The following RUSC1 variants were observed in gnomAD, a reference collection of about 807,000 sequenced individuals.
The protein encoded by RUSC1 is RUN and SH3 domain containing 1, also known as AP-4 complex accessory subunit RUSC1.
In RUSC1, 40 loss-of-function variants were observed where a neutral mutation model predicts 72.1. The ratio of observed to expected loss-of-function variants is 0.55; its 90% CI spans 0.43 to 0.72. RUSC1 has a LOEUF of 0.72. Ranked by LOEUF, RUSC1 falls within the 30% of genes least tolerant of loss-of-function variation. RUSC1 has a pLI of 0.00. For synonymous variants in RUSC1, 512 were observed against 494.2 expected, an observed-to-expected ratio of 1.04 and a Z score of -0.48; for missense variants, 1,092 against 1,172.3, an observed-to-expected ratio of 0.93 and a Z score of 1.00.
At chr1:155,330,343 G>A in intron 9 of RUSC1, 60 bp from the exon 10 acceptor site, 1 of 1,581,874 alleles carries the variant, frequency 6.3e-7, no homozygotes, top group Non-Finnish European at 8.7e-7. Flanking sequence ...GGTGACGCCT[G>A]GGGACGGCTG....
intron 2 of RUSC1, chr1:155,324,568 G>T: frequency 6.3e-7 from 1 of 1,577,472 alleles, no homozygotes; most frequent in South Asian, 1.1e-5. Context: ...TCCCGCTCCC[G>T]GAGTTCCGGG....
intron 9 of RUSC1, among the ~76,000 whole-genome samples, chr1:155,329,017 C>A (rs995604947): frequency 2.6e-5 from 4 of 152,042 alleles, no homozygotes; most frequent in Admixed American, 1.3e-4. Flanking sequence ...ACAGGCATAG[C>A]TACTGCACCC....
rs550335626 is a variant in RUSC1, at chr1:155,328,259, A to T, written c.2524A>T (p.Met842Leu). The T allele has an allele frequency of 1.2e-6, 2 of 1,612,904 alleles. No individual in the cohort carries two copies. Among genetic ancestry groups the T allele is most frequent in the Non-Finnish European group, 1.7e-6 (2 of 1,179,468 alleles). The stretch of plus-strand genomic sequence containing the variant: ...GGAGCTTGAGGCCTCAGCACCCAGG[A>T]TGGTGCAAACCCATAGGTAAGGAGG... Reference protein sequence around the residue: ...PQELEASAPRMVQTHRAVRAL... With the variant: ...PQELEASAPRLVQTHRAVRAL... The change falls in exon 9 of 10, where the codon ATG (methionine) becomes TTG (leucine). Residue 842 changes from methionine (M) to leucine (L), a missense_variant. Coordinates refer to ENST00000368352, the MANE Select transcript of RUSC1 (RefSeq NM_001105203.2).
At chr1:155,327,807 A>G (rs754356218) in intron 8 of RUSC1, among the ~76,000 whole-genome samples, 1 of 152,136 alleles carries the variant, frequency 6.6e-6, no homozygotes, top group African/African-American at 2.4e-5. Context: ...TCCTCTCCAA[A>G]CAAACAAACA....
chr1:155,326,885 C>G lies in RUSC1; in HGVS notation c.2167C>G (p.Leu723Val). The G allele has an allele frequency of 6.2e-7, 1 of 1,613,792 alleles. No individual in the cohort carries two copies. The highest frequency in any genetic ancestry group is 2.2e-5 in the East Asian group (1 of 44,884). Residue 723 changes from leucine (L) to valine (V), a missense_variant, in exon 8 of 10, where the codon CTT (leucine) becomes GTT (valine). Transcript: ENST00000368352. This position sits in a 1 kb window ranked among gnomAD's most constrained non-coding sequence, Gnocchi z 4.7. ...AASDPSDSPN[L>V]PTPGSWWEQL... is the part of the protein sequence containing the mutation. ...TTCAGACCCCTCTGACTCTCCAAACCTTCCCACACCAGGGAGCTGGTGGGA... is the reference window on the plus strand; with the variant it reads ...TTCAGACCCCTCTGACTCTCCAAACGTTCCCACACCAGGGAGCTGGTGGGA...
At chr1:155,321,044 C>T in intron 1 of RUSC1, 53 bp downstream of exon 1, 1 of 1,458,384 alleles carries the variant, frequency 6.9e-7, no homozygotes, top group Non-Finnish European at 9.2e-7. Flanking sequence ...GCACGAGGGG[C>T]GGGGCAGGAC....
chr1:155,328,585 A>G (rs938063915), intron 9 of RUSC1, among the ~76,000 whole-genome samples: 1 of 150,740 alleles, frequency 6.6e-6, no homozygotes, highest in Non-Finnish European at 1.5e-5. Context: ...GCCCACCACC[A>G]TGCCCGTTTA....
chr1:155,324,440 G>A (rs776623215), intron 2 of RUSC1: 1 of 1,612,874 alleles, frequency 6.2e-7, no homozygotes, highest in Non-Finnish European at 8.5e-7. Flanking sequence ...TGCTCCCCGG[G>A]GCTCCGCAGG....
chr1:155,321,163 T>C, intron 1 of RUSC1, 172 bp downstream of exon 1: 1 of 1,374,820 alleles, frequency 7.3e-7, no homozygotes, highest in Non-Finnish European at 9.7e-7. Context: ...GGGCGCAGGC[T>C]GGAGCCCGGC....
At position 155,322,708 on chromosome 1, in the gene RUSC1, C is replaced by A. The variant is rs1484793199; in HGVS notation, c.935C>A (p.Thr312Lys). 1 of 1,614,130 alleles carries A rather than the reference C, an allele frequency of 6.2e-7. No homozygotes were observed. Among genetic ancestry groups the A allele is most frequent in the African/African-American group, 1.3e-5 (1 of 74,940 alleles). The stretch of plus-strand genomic sequence containing the variant: ...AGCGAGGAGCCGGTGCCCCACCGGA[C>A]AATCACGTCCTTCCACGAGCTGGCC... ...DVSEEPVPHRTITSFHELAQK... is the reference protein window; with the variant it reads ...DVSEEPVPHRKITSFHELAQK... Residue 312 changes from threonine (T) to lysine (K), a missense_variant, in exon 2 of 10, where the codon ACA becomes AAA. Thr to Lys is a moderately conservative substitution (Grantham distance 78). Transcript: ENST00000368352.
chr1:155,329,224 T>G (rs1265837722), intron 9 of RUSC1, among the ~76,000 whole-genome samples: 2 of 151,136 alleles, frequency 1.3e-5, no homozygotes, highest in African/African-American at 4.9e-5. Context: ...TAGCTGGGAT[T>G]ACAGGCACCT....
At chr1:155,321,188 G>A (rs1227297615) in intron 1 of RUSC1, 197 bp downstream of exon 1, 1 of 1,370,136 alleles carries the variant, frequency 7.3e-7, no homozygotes, top group Non-Finnish European at 9.8e-7. Flanking sequence ...GCAGCCAGCA[G>A]ATGCGGAGTT....
At position 155,322,604 on chromosome 1, in the gene RUSC1, G is replaced by A; in HGVS notation, c.831G>A (p.Trp277Ter). ...AACCTGAAAAATTCGACTCTGGTTG[G>A]AAAACCAACACAAGAATAACTGATT... ...KSEPEKFDSGWKTNTRITDSG... is the reference protein window; with the variant it reads ...KSEPEKFDSG Residue 277 changes from tryptophan to a stop codon, truncating the protein, a stop_gained, in exon 2 of 10, where the codon TGG becomes TGA. Coordinates refer to ENST00000368352, the MANE Select transcript of RUSC1 (RefSeq NM_001105203.2). LOFTEE classifies it high-confidence loss of function. 6.2e-7 allele frequency: 1 copy of A among 1,614,248 alleles called. No individual in the cohort carries two copies. The highest frequency in any genetic ancestry group is 8.5e-7 in the Non-Finnish European group (1 of 1,180,048).
chr1:155,320,959 G>A lies in RUSC1; in HGVS notation c.-119G>A. ...CGGGGACCGTGGGAGCCGCGGACAA[G>A]CCCAAGGCCGGAGCGGTTCCAGGAG... On this transcript the variant is annotated 5_prime_UTR_variant, in exon 1 of 10. Coordinates refer to ENST00000368352, the MANE Select transcript of RUSC1 (RefSeq NM_001105203.2). The A allele has an allele frequency of 6.4e-7, 1 of 1,554,744 alleles. No individual in the cohort carries two copies. Among genetic ancestry groups the A allele is most frequent in the South Asian group, 1.1e-5 (1 of 89,202 alleles).
chr1:155,322,284 T>A lies in RUSC1; in HGVS notation c.511T>A (p.Ser171Thr), dbSNP rs74118445. The A allele has an allele frequency of 1.2e-6, 2 of 1,611,042 alleles. No homozygotes were observed. The highest frequency in any genetic ancestry group is 1.7e-6 in the Non-Finnish European group (2 of 1,177,716). The change falls in exon 2 of 10, where the codon TCT becomes ACT. Residue 171 changes from serine (S) to threonine (T), a missense_variant. Coordinates refer to ENST00000368352, the MANE Select transcript of RUSC1 (RefSeq NM_001105203.2). ...CTCTCCTGATTCCTGCTCCGGAGCT[T>A]CTTCTTCACCCGATCCTGGCCTGGA... ...CCSPDSCSGA[S>T]SSPDPGLDSN...
chr1:155,326,898 G>C lies in RUSC1; in HGVS notation c.2180G>C (p.Gly727Ala). The change falls in exon 8 of 10, where the codon GGG (glycine) becomes GCG (alanine). Residue 727 changes from glycine (G) to alanine (A), a missense_variant. By Grantham distance (60) the Gly-to-Ala change is moderately conservative. Coordinates refer to ENST00000368352, the MANE Select transcript of RUSC1 (RefSeq NM_001105203.2). This position sits in a 1 kb window ranked among gnomAD's most constrained non-coding sequence, Gnocchi z 4.7. ...PSDSPNLPTP[G>A]SWWEQLTQAS... ...GACTCTCCAAACCTTCCCACACCAGGGAGCTGGTGGGAGCAGTTGACCCAG... is the reference window on the plus strand; with the variant it reads ...GACTCTCCAAACCTTCCCACACCAGCGAGCTGGTGGGAGCAGTTGACCCAG... The C allele has an allele frequency of 1.2e-6, 2 of 1,613,806 alleles. No homozygotes were observed. The highest frequency in any genetic ancestry group is 1.7e-6 in the Non-Finnish European group (2 of 1,180,030).
rs2148280012 is a variant in RUSC1, at chr1:155,326,262, C to T, written c.1862-318C>T. 1 of 545,248 alleles carries T rather than the reference C, an allele frequency of 1.8e-6. No homozygotes were observed. Among genetic ancestry groups the T allele is most frequent in the South Asian group, 2.3e-5 (1 of 44,136 alleles). 33.8% of individuals were successfully genotyped at this position (545,248 alleles called of 1,614,324 possible). ...CTTTGAGTCCTTCCCCAGTGAGGCCCTACCTCTACCCTCGGACTAGGCCAA... is the reference window on the plus strand; with the variant it reads ...CTTTGAGTCCTTCCCCAGTGAGGCCTTACCTCTACCCTCGGACTAGGCCAA... On this transcript the variant is annotated intron_variant, in intron 7 of 9. Coordinates refer to ENST00000368352, the MANE Select transcript of RUSC1 (RefSeq NM_001105203.2). This position sits in a 1 kb window ranked among gnomAD's most constrained non-coding sequence, Gnocchi z 4.7.
Position 155,322,347 on chromosome 1 carries a change from C to A in RUSC1, c.574C>A (p.Pro192Thr). The A allele has an allele frequency of 6.2e-7, 1 of 1,613,012 alleles. No individual in the cohort carries two copies. Among genetic ancestry groups the A allele is most frequent in the South Asian group, 1.1e-5 (1 of 91,058 alleles). ...CNALTTCQDV[P>T]SPGLEEEDER... ...CGCCCTGACCACCTGCCAGGACGTC[C>A]CTTCCCCAGGCTTGGAGGAAGAGGA... Residue 192 changes from proline (P) to threonine (T), a missense_variant, in exon 2 of 10, where the codon CCT becomes ACT. Physicochemically the swap from Pro to Thr is conservative, Grantham distance 38. Transcript: ENST00000368352.
chr1:155,325,608 A>G lies in RUSC1; in HGVS notation c.1750A>G (p.Ser584Gly). 1.2e-6 allele frequency: 2 copies of G among 1,612,754 alleles called. No homozygotes were observed. Among genetic ancestry groups the G allele is most frequent in the Middle Eastern group, 1.6e-4 (1 of 6,062 alleles). ...RSLGTLYSQV[S>G]RLAPLSSSRS... ...CCTTGGAACCCTGTATAGCCAGGTC[A>G]GCCGTCTAGCCCCGCTGAGCAGCAG... Residue 584 changes from serine (S) to glycine (G), a missense_variant, in exon 6 of 10, where the codon AGC becomes GGC. By Grantham distance (56) the Ser-to-Gly change is moderately conservative. Transcript: ENST00000368352. This position sits in a 1 kb window ranked among gnomAD's most constrained non-coding sequence, Gnocchi z 6.5.
Sources: gnomAD v4.1 joint callset for allele counts (sites outside exome capture counted in the v4.1 genomes callset) on GRCh38, gnomAD v4.1.1 for gene constraint, Gnocchi (gnomAD v3.1) non-coding constraint, MANE v1.5 for transcripts, NCBI Gene and HGNC (gene_info 2026-07-23, HGNC 2026-07-21) for gene names.